Variants in PIDD1 observed in about 807,000 individuals in gnomAD.
The protein encoded by PIDD1 is p53-induced death domain-containing protein 1.
In PIDD1, 72 loss-of-function variants were observed where a neutral mutation model predicts 80.0. That is an observed-to-expected ratio of 0.90 (90% CI 0.74 to 1.09). PIDD1 has a LOEUF of 1.09. PIDD1 is among the 50% of genes least tolerant of loss of function. The pLI, the probability that PIDD1 is intolerant of heterozygous loss-of-function variation, is 0.00. For missense variants in PIDD1, 1,329 were observed against 1,228.3 expected (o/e 1.08, Z -1.23); for synonymous variants, 655 against 543.5 (o/e 1.21, Z -2.85).
chr11:802,529 A>G lies in PIDD1; in HGVS notation c.974+14T>C. 6.2e-7 allele frequency: 1 copy of G among 1,612,890 alleles called. No homozygotes were observed. Among genetic ancestry groups the G allele is most frequent in the Non-Finnish European group, 8.5e-7 (1 of 1,179,454 alleles). ...AGACAGACTCCCCTCCAGCCCCCTC[A>G]ACCCACCCCATACCTGTCCAAATCT... On this transcript the variant is annotated intron_variant, in intron 5 of 15. Transcript: ENST00000347755.
intron 1 of PIDD1, 42 bp downstream of exon 1, chr11:805,137 G>C (rs1019021252): frequency 5.5e-6 from 5 of 910,780 alleles, no homozygotes; most frequent in Non-Finnish European, 6.6e-6. Context: ...AAAAGCAAAC[G>C]TGTCCCCGCC....
chr11:808,449 C>T (rs1865892948), upstream of PIDD1, among the ~76,000 whole-genome samples: 1 of 151,600 alleles, frequency 6.6e-6, no homozygotes, highest in Non-Finnish European at 1.5e-5. Context: ...AAAGTTGGGG[C>T]CGGGCGCGGT....
At position 804,433 on chromosome 11, in the gene PIDD1, G is replaced by A; in HGVS notation, c.-45C>T. ...GAGGCCAGACATGTCCCAGCACGCA[G>A]GCAGGCCTGTCCAGGCAGCGCCCGG... On this transcript the variant is annotated 5_prime_UTR_variant, in exon 2 of 16. Coordinates refer to ENST00000347755, the MANE Select transcript of PIDD1 (RefSeq NM_145886.4). 3 of 1,539,828 alleles carry A rather than the reference G, an allele frequency of 1.9e-6. No homozygotes were observed. Among genetic ancestry groups the A allele is most frequent in the South Asian group, 1.2e-5 (1 of 81,360 alleles).
chr11:801,232 G>A lies in PIDD1; in HGVS notation c.1616C>T (p.Pro539Leu), dbSNP rs574298973. ...CTGCCTCTCACCTGTGATGCCAGAG[G>A]GCAGAGGCAGCTGCACGGTGACCGG... ...LQPVTVQLPL[P>L]SGITGLSLDR... The change falls in exon 9 of 16, where the codon CCC becomes CTC. Residue 539 changes from proline to leucine, a missense_variant. Transcript: ENST00000347755. 25 of 1,559,142 alleles carry A rather than the reference G, an allele frequency of 1.6e-5. No homozygotes were observed. The South Asian group carries it at 1.9e-4, about 12-fold the overall frequency.
At chr11:805,278 GC>G (rs531696152), upstream of PIDD1, 66 of 937,102 alleles carry the variant, frequency 7.0e-5, no homozygotes, top group African/African-American at 1.0e-3. Flanking sequence ...TGCAGACCCC[GC>G]CCCTTGGGCC....
chr11:801,105 C>A lies in PIDD1; in HGVS notation c.1646G>T (p.Arg549Leu), dbSNP rs138401853. Residue 549 changes from arginine (R) to leucine (L), a missense_variant, in exon 10 of 16, where the codon CGC becomes CTC. By Grantham distance (102) the Arg-to-Leu change is moderately radical (BLOSUM62 -2). Transcript: ENST00000347755. ...CCAGTACAACAGGTGCAGGCGGGAG[C>A]GGTCCAGACTGAGGCCTGGGGATGG... Reference protein sequence around the residue: ...PSGITGLSLDRSRLHLLYWAP... With the variant: ...PSGITGLSLDLSRLHLLYWAP... 3.3e-5 allele frequency: 52 copies of A among 1,564,966 alleles called. No homozygotes were observed. The East Asian group carries it at 1.1e-3, about 34-fold the overall frequency.
At chr11:809,334 A>G (rs1370465471), upstream of PIDD1, 1 of 152,256 alleles carries the variant, frequency 6.6e-6, no homozygotes, top group African/African-American at 2.4e-5. Context: ...GTCCTCTGAC[A>G]GGATGCCCTG....
Position 803,399 on chromosome 11 carries a change from C to T in PIDD1, c.484G>A (p.Glu162Lys), listed in dbSNP as rs1403049852. ...ALLLSHNCLS[E>K]LPEALGALPA... ...AGGGCCCCCAGAGCCTCAGGCAGCT[C>T]AGAGAGGCAGTTGTGAGACAGCAAG... Residue 162 changes from glutamate (E) to lysine (K), a missense_variant, in exon 3 of 16, where the codon GAG becomes AAG. Transcript: ENST00000347755. 1.2e-6 allele frequency: 2 copies of T among 1,613,906 alleles called. No individual in the cohort carries two copies. Among genetic ancestry groups the T allele is most frequent in the Non-Finnish European group, 1.7e-6 (2 of 1,179,978 alleles).
In PIDD1 at chr11:799,188, A is replaced by G; in HGVS notation, c.*119T>C. ...CAAATAAATCAAGCTCTGAGGTGAA[A>G]GAAACAGTGCAGTTTTGTTGCTCAC... On this transcript the variant is annotated 3_prime_UTR_variant, in exon 16 of 16. Transcript: ENST00000347755. 9.4e-7 allele frequency: 1 copy of G among 1,064,948 alleles called. No individual in the cohort carries two copies. Among genetic ancestry groups the G allele is most frequent in the Non-Finnish European group, 1.3e-6 (1 of 763,242 alleles). 66.0% of individuals were successfully genotyped at this position (1,064,948 alleles called of 1,614,324 possible).
chr11:803,602 G>A lies in PIDD1; in HGVS notation c.296-15C>T, dbSNP rs940889962. 6.3e-7 allele frequency: 1 copy of A among 1,593,570 alleles called. No homozygotes were observed. Among genetic ancestry groups the A allele is most frequent in the South Asian group, 1.1e-5 (1 of 89,260 alleles). ...GCGTTGCCCTCCTGGGAAGGGGGGAGGCGGATGTGGCCCTCAGAGCCAGGG... is the reference window on the plus strand; with the variant it reads ...GCGTTGCCCTCCTGGGAAGGGGGGAAGCGGATGTGGCCCTCAGAGCCAGGG... On this transcript the variant is annotated splice_polypyrimidine_tract_variant and intron_variant, in intron 2 of 15. Transcript: ENST00000347755.
At chr11:806,736 C>A (rs1439546561), upstream of PIDD1, among the ~76,000 whole-genome samples, 1 of 152,114 alleles carries the variant, frequency 6.6e-6, no homozygotes, top group African/African-American at 2.4e-5. Context: ...GCGCCCACCA[C>A]CACGCCCGGC....
rs780358260 is a variant in PIDD1 at position 803,423 on chromosome 11, A to G, written c.460T>C (p.Leu154=). 6.2e-7 allele frequency: 1 copy of G among 1,613,936 alleles called. No homozygotes were observed. Among genetic ancestry groups the G allele is most frequent in the Non-Finnish European group, 8.5e-7 (1 of 1,180,004 alleles). ...TCAGAGAGGCAGTTGTGAGACAGCAAGAGCGCACCCAGACCTCGCATCTGC... is the reference window on the plus strand; with the variant it reads ...TCAGAGAGGCAGTTGTGAGACAGCAGGAGCGCACCCAGACCTCGCATCTGC... ...VLQMRGLGAL[L]LSHNCLSELP... Residue 154 remains leucine, a synonymous_variant, in exon 3 of 16, where the codon TTG becomes CTG. Coordinates refer to ENST00000347755, the MANE Select transcript of PIDD1 (RefSeq NM_145886.4).
rs1199025797 is a variant in PIDD1, at chr11:802,179, C to T, written c.1176+16G>A. On this transcript the variant is annotated intron_variant, in intron 6 of 15. Coordinates refer to ENST00000347755, the MANE Select transcript of PIDD1 (RefSeq NM_145886.4). ...GCCCTGGCCCACACACTGCCCCCGC[C>T]ACGCCCTGTCCATGCCTGCTGGAAG... 6.3e-7 allele frequency: 1 copy of T among 1,588,230 alleles called. No homozygotes were observed. Among genetic ancestry groups the T allele is most frequent in the African/African-American group, 1.3e-5 (1 of 74,490 alleles).
rs533530054 is a variant in PIDD1, at chr11:800,214, G to A, written c.2191C>T (p.Arg731Trp). 49 of 1,610,122 alleles carry A rather than the reference G, an allele frequency of 3.0e-5. 1 individual carries two copies. The Admixed American group carries it at 3.3e-4, about 11-fold the overall frequency. The change falls in exon 14 of 16, where the codon CGG becomes TGG. Residue 731 changes from arginine to tryptophan, a missense_variant. Arg to Trp is a moderately radical substitution (Grantham distance 101). Coordinates refer to ENST00000347755, the MANE Select transcript of PIDD1 (RefSeq NM_145886.4). The part of the protein sequence containing the change: ...VSFYRGAVPV[R>W]VPEEAEAARQ... ...GCAGCCTCAGCCTCCTCGGGCACCC[G>A]CACAGGCACCGCGCCACGGTAGAAG...
At position 800,636 on chromosome 11, in the gene PIDD1, G is replaced by C. The variant is rs149217765; in HGVS notation, c.1948C>G (p.Arg650Gly). 3.1e-6 allele frequency: 5 copies of C among 1,595,364 alleles called. No homozygotes were observed. The highest frequency in any genetic ancestry group is 4.3e-6 in the Non-Finnish European group (5 of 1,176,378). ...TCAGAGGGCTCGGGGCCCCGGTACC[G>C]CTCCAGCAGCCGCCGAAGGGTGGCG... Reference protein sequence around the residue: ...VDATLRRLLERYRGPEPSDTV... With the variant: ...VDATLRRLLEGYRGPEPSDTV... The change falls in exon 12 of 16, where the codon CGG becomes GGG. Residue 650 changes from arginine (R) to glycine (G), a missense_variant. Physicochemically the swap from Arg to Gly is moderately radical, Grantham distance 125 (BLOSUM62 -2). Coordinates refer to ENST00000347755, the MANE Select transcript of PIDD1 (RefSeq NM_145886.4).
rs1372674761 is a variant in PIDD1 at position 802,016 on chromosome 11, A to G, written c.1251T>C (p.Asn417=). 1.9e-6 allele frequency: 3 copies of G among 1,602,960 alleles called. No individual in the cohort carries two copies. The highest frequency in any genetic ancestry group is 2.6e-6 in the Non-Finnish European group (3 of 1,175,410). Residue 417 remains asparagine (N), a synonymous_variant, in exon 7 of 16, where the codon AAT becomes AAC. Coordinates refer to ENST00000347755, the MANE Select transcript of PIDD1 (RefSeq NM_145886.4). ...RCREVVVRTR[N]DNSWGDLETY... ...TCTCCAGGTCACCCCAGCTGTTGTC[A>G]TTCCGGGTCCTGACCACCACTTCAC...
In PIDD1 at chr11:805,213, C is replaced by A. The variant is rs1865702301; in HGVS notation, c.-110G>T. 1.1e-5 allele frequency: 11 copies of A among 983,500 alleles called. No homozygotes were observed. The highest frequency in any genetic ancestry group is 1.7e-5 in the African/African-American group (1 of 57,192). The allele number at this position is 983,500 out of a possible 1,614,324, so 60.9% of individuals were successfully genotyped here. A position where few individuals can be genotyped will look rare whatever the true frequency, so the allele number is the denominator to read the frequency against. On this transcript the variant is annotated 5_prime_UTR_variant, in exon 1 of 16. Coordinates refer to ENST00000347755, the MANE Select transcript of PIDD1 (RefSeq NM_145886.4). ...AGGCGGCGCGCAAAGGGTGGCTGCT[C>A]AGCGGGCGCTCGGCGCCTGGGATCC...
At chr11:805,232 G>A (rs889115312), upstream of PIDD1, 101 of 982,968 alleles carry the variant, frequency 1.0e-4, no homozygotes, top group Non-Finnish European at 1.2e-4. Context: ...CTCGGCGCCT[G>A]GGATCCCGCC....
chr11:802,997 T>C, intron 3 of PIDD1, 106 bp from the exon 4 acceptor site: 1 of 1,107,556 alleles, frequency 9.0e-7, no homozygotes, highest in Non-Finnish European at 1.3e-6. Flanking sequence ...CCTCCACAGC[T>C]GGGCTCAGAG....
Sources: allele counts gnomAD v4.1 joint callset (sites outside exome capture counted in the v4.1 genomes callset), GRCh38; gene constraint gnomAD v4.1.1; transcripts MANE v1.5; gene names NCBI Gene and HGNC (gene_info 2026-07-23, HGNC 2026-07-21).